Variants in OR2L13 observed in about 807,000 individuals in gnomAD.
OR2L13 encodes olfactory receptor family 2 subfamily L member 13.
OR2L13 carries 14 observed loss-of-function variants against 15.3 expected under a neutral mutation model. That is an observed-to-expected ratio of 0.91 (90% CI 0.60 to 1.43). The LOEUF (loss-of-function observed/expected upper bound fraction) is 1.43, where lower values mean the gene tolerates loss of function less well. Ranked by LOEUF, OR2L13 falls within the 40% of genes most tolerant of loss-of-function variation. The pLI, the probability that OR2L13 is intolerant of heterozygous loss-of-function variation, is 0.00. For missense variants in OR2L13, 367 were observed against 387.9 expected, an observed-to-expected ratio of 0.95 and a Z score of 0.45; for synonymous variants, 152 against 142.9, an observed-to-expected ratio of 1.06 and a Z score of -0.45.
chr1:247,947,564 C>G, the OR2L13 span, among the ~76,000 whole-genome samples: 2 of 152,164 alleles, frequency 1.3e-5, no homozygotes, highest in East Asian at 3.8e-4. Context: ...TTGCATGCTC[C>G]TCCAAGTGCA....
chr1:248,085,380 A>G, the OR2L13 span, among the ~76,000 whole-genome samples: 2 of 113,884 alleles, frequency 1.8e-5, no homozygotes, highest in Admixed American at 1.9e-4. Context: ...TGGCACATGT[A>G]TCCCAGGACT....
chr1:247,950,064 A>G, the OR2L13 span, among the ~76,000 whole-genome samples: 1 of 152,146 alleles, frequency 6.6e-6, no homozygotes, highest in Non-Finnish European at 1.5e-5. Flanking sequence ...TCATGCAGAA[A>G]TGAAAATGAA....
the OR2L13 span, among the ~76,000 whole-genome samples, chr1:248,035,282 C>T: frequency 6.6e-6 from 1 of 151,982 alleles, no homozygotes. Context: ...AACCCCGTCT[C>T]TACTAAAAAT....
the OR2L13 span, among the ~76,000 whole-genome samples, chr1:247,961,120 A>G: frequency 4.6e-5 from 7 of 152,184 alleles, no homozygotes; most frequent in Non-Finnish European, 8.8e-5. Flanking sequence ...TATAAAAGAA[A>G]CATTTTTAAA....
the OR2L13 span, chr1:248,035,454 GA>G: frequency 0.065 from 9,573 of 146,246 alleles, 352 homozygotes; most frequent in East Asian, 0.16. Flanking sequence ...ATCTCAAAAA[GA>G]AAAAAAAAAG....
the OR2L13 span, chr1:248,045,678 T>C: frequency 1.3e-5 from 2 of 152,356 alleles, no homozygotes; most frequent in Non-Finnish European, 2.9e-5. Flanking sequence ...GCGGGAATAT[T>C]GAAACATCTG....
the OR2L13 span, among the ~76,000 whole-genome samples, chr1:248,071,379 A>G: frequency 1.3e-5 from 2 of 152,166 alleles, no homozygotes; most frequent in African/African-American, 4.8e-5. Context: ...CAAAAACCAC[A>G]TGATTATCTC....
the OR2L13 span, among the ~76,000 whole-genome samples, chr1:248,078,008 A>G: frequency 6.6e-6 from 1 of 152,246 alleles, no homozygotes; most frequent in African/African-American, 2.4e-5. Context: ...AATAGGATAA[A>G]CACCTAAATA....
At chr1:248,065,506 C>T in the OR2L13 span, among the ~76,000 whole-genome samples, 1 of 150,956 alleles carries the variant, frequency 6.6e-6, no homozygotes, top group Non-Finnish European at 1.5e-5. Context: ...CATATGTATA[C>T]ATGTGCCATG....
the OR2L13 span, chr1:248,038,734 G>A: frequency 6.2e-7 from 1 of 1,614,084 alleles, no homozygotes; most frequent in Non-Finnish European, 8.5e-7. Context: ...ATCAACTCTT[G>A]TGCTCACACA....
chr1:248,055,797 G>A, the OR2L13 span: 1 of 152,184 alleles, frequency 6.6e-6, no homozygotes, highest in Non-Finnish European at 1.5e-5. Flanking sequence ...AATGATTTAG[G>A]GTGGAGTCCC....
the OR2L13 span, among the ~76,000 whole-genome samples, chr1:248,089,492 C>G: frequency 6.6e-6 from 1 of 152,118 alleles, no homozygotes; most frequent in Non-Finnish European, 1.5e-5. Context: ...TAAGTTCCTC[C>G]AAGTGCAGAG....
the OR2L13 span, among the ~76,000 whole-genome samples, chr1:247,956,182 A>G: frequency 6.6e-6 from 1 of 151,256 alleles, no homozygotes; most frequent in African/African-American, 2.4e-5. Flanking sequence ...TTTTCCCAGC[A>G]CCATTTATTA....
the OR2L13 span, chr1:248,061,848 T>G: frequency 5.2e-6 from 2 of 384,098 alleles, no homozygotes; most frequent in East Asian, 3.9e-5. Flanking sequence ...AAGCACCTAC[T>G]TTTACTAATA....
At chr1:247,956,216 C>T in the OR2L13 span, among the ~76,000 whole-genome samples, 1 of 151,744 alleles carries the variant, frequency 6.6e-6, no homozygotes, top group Non-Finnish European at 1.5e-5. Context: ...TTCCCCATTG[C>T]TTGTTTTTGT....
chr1:247,941,864 C>G, the OR2L13 span, among the ~76,000 whole-genome samples: 9 of 152,116 alleles, frequency 5.9e-5, no homozygotes, highest in African/African-American at 9.7e-5. Context: ...CTGTATGTTT[C>G]AGATTTTGTG....
chr1:247,952,008 T>C, the OR2L13 span, among the ~76,000 whole-genome samples: 1 of 152,116 alleles, frequency 6.6e-6, no homozygotes, highest in African/African-American at 2.4e-5. Flanking sequence ...CGTGCGCGCA[T>C]GAGAAGACCA....
At chr1:248,059,764 G>A in the OR2L13 span, among the ~76,000 whole-genome samples, 63 of 152,322 alleles carry the variant, frequency 4.1e-4, no homozygotes, top group Non-Finnish European at 6.9e-4. Context: ...ATAAACATGG[G>A]TTGGGTGGGG....
chr1:248,049,723 G>C, the OR2L13 span, among the ~76,000 whole-genome samples: 1 of 152,052 alleles, frequency 6.6e-6, no homozygotes, highest in Admixed American at 6.6e-5. Flanking sequence ...CTTATGTGGA[G>C]TTTTTGTTTT....
Sources: allele counts gnomAD v4.1 joint callset (sites outside exome capture counted in the v4.1 genomes callset), GRCh38; gene constraint gnomAD v4.1.1; transcripts MANE v1.5; gene names NCBI Gene and HGNC (gene_info 2026-07-23, HGNC 2026-07-21).